The following CACNA2D3 variants were observed in gnomAD, a reference collection of about 807,000 sequenced individuals.
CACNA2D3 encodes calcium voltage-gated channel auxiliary subunit alpha2delta 3.
CACNA2D3 carries 60 observed loss-of-function variants against 160.6 expected under a neutral mutation model. That is an observed-to-expected ratio of 0.37 (90% CI 0.30 to 0.46). CACNA2D3 has a LOEUF of 0.46. Among genes scored for constraint, CACNA2D3 ranks in the 20% least tolerant of loss-of-function variants. The pLI is 1.00. For synonymous variants in CACNA2D3, 558 were observed against 492.9 expected, an observed-to-expected ratio of 1.13 and a Z score of -1.75; for missense variants, 1,205 against 1,365.0, an observed-to-expected ratio of 0.88 and a Z score of 1.85.
At chr3:54,493,793 T>A (rs997359399) in intron 4 of CACNA2D3, among the ~76,000 whole-genome samples, 5 of 152,230 alleles carry the variant, frequency 3.3e-5, no homozygotes, top group African/African-American at 1.2e-4. Context: ...TGTAATTTTC[T>A]GGTAAATGGC....
intron 12 of CACNA2D3, among the ~76,000 whole-genome samples, chr3:54,755,708 T>C (rs996325577): frequency 6.6e-6 from 1 of 152,200 alleles, no homozygotes; most frequent in African/African-American, 2.4e-5. Flanking sequence ...TTTCTTGAAA[T>C]TAGTTTTGGA....
At position 54,588,143 on chromosome 3, in the gene CACNA2D3, AGC is replaced by A. The variant is rs1201518283; in HGVS notation, c.963+6267_963+6268del. Among the ~76,000 whole-genome samples the A allele has an allele frequency of 1.1e-4, 17 of 152,362 alleles. 1 individual carries two copies. The South Asian group carries it at 2.7e-3, about 24-fold the overall frequency. ...CAAGCAGGATTATTGAGATATGCAAAGCCAATGTAACATCCATGTCAAATCAA... is the reference window on the plus strand; with the variant it reads ...CAAGCAGGATTATTGAGATATGCAAACAATGTAACATCCATGTCAAATCAA... On this transcript the variant is annotated intron_variant, in intron 9 of 37. Coordinates refer to ENST00000474759, the MANE Select transcript of CACNA2D3 (RefSeq NM_018398.3).
chr3:54,897,870 G>A (rs1371607852), intron 26 of CACNA2D3, among the ~76,000 whole-genome samples: 1 of 152,148 alleles, frequency 6.6e-6, no homozygotes, highest in Non-Finnish European at 1.5e-5. Flanking sequence ...CTCATCAATG[G>A]ACATATTTAA....
At chr3:54,862,671 A>G (rs558260508) in intron 17 of CACNA2D3, among the ~76,000 whole-genome samples, 1 of 152,286 alleles carries the variant, frequency 6.6e-6, no homozygotes, top group South Asian at 2.1e-4. Flanking sequence ...CTGCCCAGGG[A>G]CTAAGTTAAG....
Position 54,879,890 on chromosome 3 carries a change from G to A in CACNA2D3, c.1844+479G>A, listed in dbSNP as rs562782760. Reference sequence around the variant, plus strand: ...CTTTTGAATCCTGTTGTTTCTCTTTGTAACAGTCCTGAAAAATGGCTTTGC... The same window carrying A: ...CTTTTGAATCCTGTTGTTTCTCTTTATAACAGTCCTGAAAAATGGCTTTGC... On this transcript the variant is annotated intron_variant, in intron 20 of 37. Transcript: ENST00000474759. Among the ~76,000 whole-genome samples, 7 of 152,206 alleles carry A rather than the reference G, an allele frequency of 4.6e-5. No individual in the cohort carries two copies. In the South Asian group the frequency reaches 1.5e-3, roughly 32 times the overall value.
chr3:54,928,721 C>A (rs1013243766), intron 27 of CACNA2D3, among the ~76,000 whole-genome samples: 8 of 152,008 alleles, frequency 5.3e-5, no homozygotes, highest in Admixed American at 4.6e-4. Flanking sequence ...ACTCCCCAGC[C>A]CCCGAGTTGA....
intron 35 of CACNA2D3, among the ~76,000 whole-genome samples, chr3:55,026,623 G>A (rs1226130602): frequency 6.6e-6 from 1 of 152,318 alleles, no homozygotes; most frequent in East Asian, 1.9e-4. Context: ...CGGGCAGAGA[G>A]AAGAGCATTG....
chr3:54,792,897 C>T (rs115765357), intron 13 of CACNA2D3, among the ~76,000 whole-genome samples: 3,074 of 152,220 alleles, frequency 0.02, 113 homozygotes, highest in African/African-American at 0.07. Flanking sequence ...GGTTTTACCT[C>T]AAAGGCAAAT....
At chr3:54,958,313 A>G (rs1017502537) in intron 27 of CACNA2D3, among the ~76,000 whole-genome samples, 1 of 152,216 alleles carries the variant, frequency 6.6e-6, no homozygotes, top group Non-Finnish European at 1.5e-5. Context: ...GGACTGCCTG[A>G]GCCCAAGAGT....
intron 13 of CACNA2D3, among the ~76,000 whole-genome samples, chr3:54,794,088 A>T (rs1461111571): frequency 6.6e-6 from 1 of 152,142 alleles, no homozygotes; most frequent in Non-Finnish European, 1.5e-5. Flanking sequence ...TTGATATATA[A>T]GAGCAAATTT....
chr3:54,918,995 C>CT (rs3832225), intron 27 of CACNA2D3: 3,727 of 703,864 alleles, frequency 5.3e-3, no homozygotes, highest in Non-Finnish European at 6.7e-3. Context: ...TATGAAGTAC[C>CT]TTTTTTTTTT....
chr3:54,243,921 C>T (rs1702020058), intron 2 of CACNA2D3, among the ~76,000 whole-genome samples: 1 of 152,342 alleles, frequency 6.6e-6, no homozygotes, highest in Middle Eastern at 3.4e-3. Flanking sequence ...CAGACCCTTT[C>T]TGAATTGCAC....
At chr3:54,973,482 C>T (rs965401364) in intron 29 of CACNA2D3, among the ~76,000 whole-genome samples, 1 of 152,162 alleles carries the variant, frequency 6.6e-6, no homozygotes, top group Non-Finnish European at 1.5e-5. Flanking sequence ...TCAGCTCTAC[C>T]CTTTCTTGTT....
At chr3:54,357,445 A>G (rs778435085) in intron 3 of CACNA2D3, among the ~76,000 whole-genome samples, 24 of 152,358 alleles carry the variant, frequency 1.6e-4, no homozygotes, top group African/African-American at 2.6e-4. Context: ...ATGTGAAGCA[A>G]TAAGAACTCT....
chr3:54,163,389 G>A (rs1377167902), intron 2 of CACNA2D3, among the ~76,000 whole-genome samples: 2 of 152,112 alleles, frequency 1.3e-5, no homozygotes, highest in Non-Finnish European at 1.5e-5. Context: ...TCTTTTCCAC[G>A]TTCCTTTCAT....
chr3:54,685,276 G>A (rs1228392205), intron 11 of CACNA2D3, among the ~76,000 whole-genome samples: 1 of 152,208 alleles, frequency 6.6e-6, no homozygotes, highest in African/African-American at 2.4e-5. Flanking sequence ...AAGTTTTTCT[G>A]CAAAGTGCCA....
intron 4 of CACNA2D3, among the ~76,000 whole-genome samples, chr3:54,388,974 C>A (rs546004064): frequency 1.8e-4 from 28 of 152,012 alleles, no homozygotes; most frequent in African/African-American, 6.5e-4. Flanking sequence ...ATCCATGAGT[C>A]CGCTTGATAA....
chr3:54,603,044 T>C (rs1703093098), intron 9 of CACNA2D3, among the ~76,000 whole-genome samples: 1 of 152,216 alleles, frequency 6.6e-6, no homozygotes, highest in Admixed American at 6.5e-5. Flanking sequence ...GGTCCCTCTC[T>C]GTTCGGTGTC....
At chr3:54,514,836 T>C (rs577076500) in intron 5 of CACNA2D3, among the ~76,000 whole-genome samples, 268 of 152,264 alleles carry the variant, frequency 1.8e-3, no homozygotes, top group Middle Eastern at 6.8e-3. Context: ...TATTGGTAAG[T>C]AGTCCTTCAC....
Sources: gnomAD v4.1 joint callset for allele counts (sites outside exome capture counted in the v4.1 genomes callset) on GRCh38, gnomAD v4.1.1 for gene constraint, MANE v1.5 for transcripts, NCBI Gene and HGNC (gene_info 2026-07-23, HGNC 2026-07-21) for gene names.